CNTN1: variants seen among roughly 807,000 people sequenced by gnomAD.
The protein encoded by CNTN1 is contactin 1.
A neutral mutation model predicts 126.4 loss-of-function variants in CNTN1; 38 were observed. That is an observed-to-expected ratio of 0.30 (90% CI 0.23 to 0.39). The LOEUF (loss-of-function observed/expected upper bound fraction) is 0.39, where lower values mean the gene tolerates loss of function less well. Among genes scored for constraint, CNTN1 ranks in the 10% least tolerant of loss-of-function variants. The probability of loss-of-function intolerance (pLI) is 1.00; values close to 1 mark genes in which losing one functional copy is unlikely to be tolerated. For synonymous variants in CNTN1, 413 were observed against 422.6 expected (o/e 0.98, Z 0.28); for missense variants, 1,009 against 1,248.4 (o/e 0.81, Z 2.89).
chr12:40,740,536 G>T (rs1374099164), intron 1 of CNTN1, among the ~76,000 whole-genome samples: 1 of 152,098 alleles, frequency 6.6e-6, no homozygotes, highest in Non-Finnish European at 1.5e-5. Flanking sequence ...CAAATGTCAG[G>T]CATGGTAACA....
intron 17 of CNTN1, among the ~76,000 whole-genome samples, chr12:40,996,217 G>C (rs1948212591): frequency 6.6e-6 from 1 of 150,496 alleles, no homozygotes; most frequent in Non-Finnish European, 1.5e-5. Context: ...CTGCAGCCTC[G>C]ACCTCCAGGT....
intron 1 of CNTN1, among the ~76,000 whole-genome samples, chr12:40,880,896 G>A (rs1364882276): frequency 6.6e-6 from 1 of 151,790 alleles, no homozygotes; most frequent in African/African-American, 2.4e-5. Context: ...GGAAACTTTG[G>A]TTTGCTTCTG....
chr12:40,852,851 G>A (rs1366351614), intron 1 of CNTN1, among the ~76,000 whole-genome samples: 2 of 147,822 alleles, frequency 1.4e-5, no homozygotes, highest in African/African-American at 5.0e-5. Flanking sequence ...TATTTTTTAA[G>A]TCACTCAGTT....
At chr12:40,765,507 A>G (rs1939047127) in intron 1 of CNTN1, among the ~76,000 whole-genome samples, 1 of 152,222 alleles carries the variant, frequency 6.6e-6, no homozygotes, top group Admixed American at 6.5e-5. Context: ...AGGAACAAGC[A>G]AAGGAGAACA....
intron 1 of CNTN1, among the ~76,000 whole-genome samples, chr12:40,756,715 T>A (rs2136407822): frequency 6.6e-6 from 1 of 152,270 alleles, no homozygotes; most frequent in East Asian, 1.9e-4. Flanking sequence ...TTTGTTCACA[T>A]GTCACCTCCA....
intron 1 of CNTN1, among the ~76,000 whole-genome samples, chr12:40,855,714 T>C (rs1942883724): frequency 6.6e-6 from 1 of 152,118 alleles, no homozygotes; most frequent in Non-Finnish European, 1.5e-5. Context: ...AGTACAACTT[T>C]ATTGGCAATG....
intron 1 of CNTN1, among the ~76,000 whole-genome samples, chr12:40,739,427 A>G (rs1937839568): frequency 6.6e-6 from 1 of 152,100 alleles, no homozygotes; most frequent in African/African-American, 2.4e-5. Flanking sequence ...AAGAATGATT[A>G]AAAAACAATT....
chr12:40,858,098 C>T (rs1417315981), intron 1 of CNTN1, among the ~76,000 whole-genome samples: 2 of 152,104 alleles, frequency 1.3e-5, no homozygotes, highest in East Asian at 3.9e-4. Flanking sequence ...CAGTTGTTAG[C>T]AGAATTCAGT....
intron 1 of CNTN1, among the ~76,000 whole-genome samples, chr12:40,882,921 A>G (rs911377123): frequency 1.3e-5 from 2 of 151,506 alleles, no homozygotes; most frequent in Admixed American, 1.3e-4. Flanking sequence ...TATTATCTGA[A>G]CTGTACATTT....
intron 1 of CNTN1, chr12:40,827,961 CT>C (rs1254724085): frequency 1.3e-5 from 2 of 152,146 alleles, no homozygotes; most frequent in Non-Finnish European, 2.9e-5. Flanking sequence ...CATTAAGTGA[CT>C]GCAGTGAAAT....
intron 1 of CNTN1, among the ~76,000 whole-genome samples, chr12:40,777,117 C>A (rs1320683034): frequency 6.6e-6 from 1 of 151,660 alleles, no homozygotes; most frequent in African/African-American, 2.4e-5. Flanking sequence ...TATAACATTT[C>A]TCACTAAACC....
intron 16 of CNTN1, among the ~76,000 whole-genome samples, 173 bp from the exon 17 acceptor site, chr12:40,992,947 A>C (rs1948127966): frequency 6.6e-6 from 1 of 152,164 alleles, no homozygotes; most frequent in Admixed American, 6.5e-5. Context: ...TTATATATTA[A>C]ACCTCTTCTC....
At chr12:40,861,806 A>T (rs1943122828) in intron 1 of CNTN1, among the ~76,000 whole-genome samples, 1 of 152,164 alleles carries the variant, frequency 6.6e-6, no homozygotes, top group Non-Finnish European at 1.5e-5. Context: ...TCTATATAGT[A>T]CAACCACCTT....
intron 1 of CNTN1, among the ~76,000 whole-genome samples, chr12:40,714,042 T>A (rs1408151578): frequency 6.6e-6 from 1 of 152,052 alleles, no homozygotes; most frequent in Non-Finnish European, 1.5e-5. Flanking sequence ...ATCTATGTGG[T>A]GTGAGATGGG....
chr12:40,869,775 T>A (rs1050596800), intron 1 of CNTN1, among the ~76,000 whole-genome samples: 2 of 152,190 alleles, frequency 1.3e-5, no homozygotes, highest in African/African-American at 4.8e-5. Context: ...GAACCACTAA[T>A]TATTTTGTCT....
intron 1 of CNTN1, among the ~76,000 whole-genome samples, chr12:40,751,529 C>T (rs1938406780): frequency 6.6e-6 from 1 of 151,998 alleles, no homozygotes; most frequent in Non-Finnish European, 1.5e-5. Context: ...GTCTCCAGGG[C>T]ACTGCAGAGC....
intron 5 of CNTN1, 144 bp from the exon 6 acceptor site, chr12:40,924,413 G>C (rs1945558428): frequency 1.5e-6 from 1 of 657,596 alleles, no homozygotes; most frequent in Non-Finnish European, 2.8e-6. Flanking sequence ...TAAGAACGAG[G>C]AGCTGACTTT....
At chr12:40,838,289 C>A (rs768790230) in intron 1 of CNTN1, among the ~76,000 whole-genome samples, 21 of 152,088 alleles carry the variant, frequency 1.4e-4, no homozygotes, top group Non-Finnish European at 2.5e-4. Context: ...TGGAAATGGG[C>A]CCGCCTAGCC....
chr12:40,832,207 T>A (rs1941866665), intron 1 of CNTN1, among the ~76,000 whole-genome samples: 1 of 152,194 alleles, frequency 6.6e-6, no homozygotes, highest in African/African-American at 2.4e-5. Context: ...CTGAATCAGA[T>A]AAATTCTCAG....
Sources: allele counts gnomAD v4.1 joint callset (sites outside exome capture counted in the v4.1 genomes callset), GRCh38; gene constraint gnomAD v4.1.1; transcripts MANE v1.5; gene names NCBI Gene and HGNC (gene_info 2026-07-23, HGNC 2026-07-21).